Variants in PRKN observed in about 807,000 individuals in gnomAD.
PRKN encodes E3 ubiquitin-protein ligase parkin.
In PRKN, 56 loss-of-function variants were observed where a neutral mutation model predicts 59.5. The observed-to-expected ratio is 0.94, with a 90% CI of 0.76 to 1.18. The LOEUF is 1.18. Ranked by LOEUF, PRKN falls within the 50% of genes most tolerant of loss-of-function variation. PRKN has a pLI of 0.00. For synonymous variants in PRKN, 250 were observed against 222.1 expected, an observed-to-expected ratio of 1.13 and a Z score of -1.12; for missense variants, 657 against 596.4, an observed-to-expected ratio of 1.10 and a Z score of -1.06.
At chr6:162,449,246 T>C (rs1422281310) in intron 1 of PRKN, among the ~76,000 whole-genome samples, 2 of 152,176 alleles carry the variant, frequency 1.3e-5, no homozygotes, top group Non-Finnish European at 2.9e-5. Context: ...GGATGTCCAG[T>C]AGATAAATAA....
At chr6:161,968,368 T>A (rs988207050) in intron 6 of PRKN, among the ~76,000 whole-genome samples, 7 of 151,786 alleles carry the variant, frequency 4.6e-5, no homozygotes, top group Non-Finnish European at 5.9e-5. Context: ...AAGGCCTGGT[T>A]TCTGTTTAGC....
At chr6:162,287,065 C>A (rs958288167) in intron 2 of PRKN, among the ~76,000 whole-genome samples, 2 of 152,292 alleles carry the variant, frequency 1.3e-5, no homozygotes, top group African/African-American at 2.4e-5. Context: ...CCCTCCAATT[C>A]TTCTCTATTG....
chr6:162,427,940 C>T (rs1789321633), intron 2 of PRKN, among the ~76,000 whole-genome samples: 2 of 152,152 alleles, frequency 1.3e-5, no homozygotes, highest in African/African-American at 4.8e-5. Flanking sequence ...AGAAATGGAA[C>T]ACAATCAGAG....
intron 7 of PRKN, among the ~76,000 whole-genome samples, chr6:161,650,499 C>T (rs933885238): frequency 4.0e-5 from 6 of 151,592 alleles, no homozygotes; most frequent in South Asian, 2.1e-4. Context: ...GTGACATCTG[C>T]AAAGAGAGAG....
At chr6:162,115,412 G>C (rs2128303731) in intron 4 of PRKN, among the ~76,000 whole-genome samples, 1 of 152,004 alleles carries the variant, frequency 6.6e-6, no homozygotes, top group Middle Eastern at 3.4e-3. Context: ...GAGTTAGTGG[G>C]TGCAGCGCAC....
At chr6:162,192,232 G>T (rs1201685358) in intron 4 of PRKN, among the ~76,000 whole-genome samples, 1 of 151,966 alleles carries the variant, frequency 6.6e-6, no homozygotes, top group Admixed American at 6.6e-5. Context: ...ATTAATGACT[G>T]CATGTCACTA....
At chr6:162,644,424 G>A (rs1210246874) in intron 1 of PRKN, among the ~76,000 whole-genome samples, 2 of 152,112 alleles carry the variant, frequency 1.3e-5, no homozygotes, top group African/African-American at 4.8e-5. Context: ...AGATAGGGCT[G>A]GTGATCACCA....
At chr6:162,060,286 C>A (rs150191573) in intron 4 of PRKN, among the ~76,000 whole-genome samples, 9 of 152,070 alleles carry the variant, frequency 5.9e-5, no homozygotes, top group South Asian at 2.1e-4. Context: ...TCCGAGAAGA[C>A]GGTGATAGAG....
chr6:161,567,254 G>A (rs1361263615), intron 8 of PRKN, among the ~76,000 whole-genome samples: 1 of 151,916 alleles, frequency 6.6e-6, no homozygotes, highest in East Asian at 1.9e-4. Context: ...CACTATGTTG[G>A]CCAGGCTGGT....
Position 161,785,896 on chromosome 6 carries a change from C to T in PRKN, c.747G>A (p.Leu249=), listed in dbSNP as rs1170693935. The T allele has an allele frequency of 6.2e-7, 1 of 1,613,938 alleles. No homozygotes were observed. The highest frequency in any genetic ancestry group is 1.3e-5 in the African/African-American group (1 of 74,920). Residue 249 remains leucine (L), a synonymous_variant, in exon 7 of 12, where the codon CTG becomes CTA. Coordinates refer to ENST00000366898, the MANE Select transcript of PRKN (RefSeq NM_004562.3). The stretch of plus-strand genomic sequence containing the variant: ...CGTGGCGGGAGTTGCACTGGAAAAC[C>T]AGGACGGGGCTCCTGCAGAGAGAAA... ...ITCTDVRSPV[L]VFQCNSRHVI...
chr6:162,543,989 T>A (rs1779022957), intron 1 of PRKN, among the ~76,000 whole-genome samples: 1 of 152,290 alleles, frequency 6.6e-6, no homozygotes, highest in South Asian at 2.1e-4. Context: ...AAATCAAAAT[T>A]CTTCTTGCAG....
chr6:161,583,893 CA>C (rs1279418719), intron 7 of PRKN, among the ~76,000 whole-genome samples: 9 of 152,308 alleles, frequency 5.9e-5, no homozygotes, highest in Admixed American at 3.3e-4. Flanking sequence ...TGCATATTTG[CA>C]AACCATTCAG....
chr6:161,901,424 C>T (rs183407899), intron 6 of PRKN, among the ~76,000 whole-genome samples: 2 of 152,242 alleles, frequency 1.3e-5, no homozygotes, highest in East Asian at 3.9e-4. Flanking sequence ...TCCTTCACCC[C>T]TGTGCCTGGA....
intron 2 of PRKN, among the ~76,000 whole-genome samples, chr6:162,285,266 ATT>A (rs11392809): frequency 0.027 from 2,633 of 95,836 alleles, 84 homozygotes; most frequent in African/African-American, 0.099. Flanking sequence ...TATTTTGGAG[ATT>A]TTTTTTTTTT....
rs1310879090 is a variant in PRKN at position 161,413,092 on chromosome 6, G to A, written c.1084-26215C>T. On this transcript the variant is annotated intron_variant, in intron 9 of 11. Transcript: ENST00000366898. This position sits in a 1 kb window ranked among gnomAD's most constrained non-coding sequence, Gnocchi z 4.4. ...TCTGGCAGCAAATTCAGCTCCTTTG[G>A]AAATTATATTACCTTTTCTGAACAC... Among the ~76,000 whole-genome samples, 1 of 152,196 alleles carries A rather than the reference G, an allele frequency of 6.6e-6. No homozygotes were observed. The highest frequency in any genetic ancestry group is 1.5e-5 in the Non-Finnish European group (1 of 68,036).
intron 6 of PRKN, among the ~76,000 whole-genome samples, chr6:161,859,629 A>AAAAAG (rs1793809357): frequency 6.7e-6 from 1 of 149,890 alleles, no homozygotes; most frequent in Non-Finnish European, 1.5e-5. Flanking sequence ...AAAAAAAAAA[A>AAAAAG]GAGAAAGAGC....
chr6:162,180,216 A>G (rs1583161036), intron 4 of PRKN, among the ~76,000 whole-genome samples: 1 of 152,136 alleles, frequency 6.6e-6, no homozygotes, highest in South Asian at 2.1e-4. Context: ...TCCCCAACTA[A>G]ACATTTTCAC....
At chr6:161,929,466 T>A (rs941700602) in intron 6 of PRKN, among the ~76,000 whole-genome samples, 1 of 151,716 alleles carries the variant, frequency 6.6e-6, no homozygotes, top group East Asian at 1.9e-4. Flanking sequence ...AGGTACTTAA[T>A]GCTACTGGAT....
chr6:162,176,922 G>T (rs1783564292), intron 4 of PRKN, among the ~76,000 whole-genome samples: 1 of 96,884 alleles, frequency 1.0e-5, no homozygotes, highest in African/African-American at 4.0e-5. Flanking sequence ...TGAACACAAT[G>T]AAATTCCTTT....
Sources: gnomAD v4.1 joint callset for allele counts (sites outside exome capture counted in the v4.1 genomes callset) on GRCh38, gnomAD v4.1.1 for gene constraint, Gnocchi (gnomAD v3.1) non-coding constraint, MANE v1.5 for transcripts, NCBI Gene and HGNC (gene_info 2026-07-23, HGNC 2026-07-21) for gene names.